Variants in DCHS2 observed in about 807,000 individuals in gnomAD.
The protein encoded by DCHS2 is dachsous cadherin-related 2, also known as protocadherin-23.
DCHS2 carries 142 observed loss-of-function variants against 182.4 expected under a neutral mutation model. The ratio of observed to expected loss-of-function variants is 0.78; its 90% CI spans 0.68 to 0.89. The LOEUF (loss-of-function observed/expected upper bound fraction) is 0.89. Among genes scored for constraint, DCHS2 ranks in the 40% least tolerant of loss-of-function variants. The probability of loss-of-function intolerance (pLI) is 0.00; values close to 1 mark genes in which losing one functional copy is unlikely to be tolerated. For missense variants in DCHS2, 4,319 were observed against 4,198.6 expected, an observed-to-expected ratio of 1.03 and a Z score of -0.79; for synonymous variants, 1,740 against 1,663.3, an observed-to-expected ratio of 1.05 and a Z score of -1.12.
chr4:154,328,563 AT>A (rs1048745079), intron 6 of DCHS2, among the ~76,000 whole-genome samples: 1 of 152,194 alleles, frequency 6.6e-6, no homozygotes, highest in Non-Finnish European at 1.5e-5. Flanking sequence ...GGCTTAAAAT[AT>A]GCTTAAAATA....
Position 154,332,716 on chromosome 4 carries a change from G to A in DCHS2, c.3492C>T (p.Ile1164=), listed in dbSNP as rs1479179489. ...QTYNFRVFAW[I]PEDGFLQNVS... ...CATTTTGCAAGAATCCGTCCTCGGG[G>A]ATCCAAGCAAACACTCTAAAATTAT... is the stretch of plus-strand genomic sequence containing the variant. The change falls in exon 5 of 20, where the codon ATC becomes ATT. Residue 1164 remains isoleucine (I), a synonymous_variant. Coordinates refer to ENST00000357232, the MANE Select transcript of DCHS2 (RefSeq NM_001358235.2). 6.2e-7 allele frequency: 1 copy of A among 1,614,244 alleles called. No homozygotes were observed. Among genetic ancestry groups the A allele is most frequent in the South Asian group, 1.1e-5 (1 of 91,088 alleles).
chr4:154,250,820 A>G (rs1051336111), intron 16 of DCHS2, among the ~76,000 whole-genome samples: 1 of 152,214 alleles, frequency 6.6e-6, no homozygotes, highest in Non-Finnish European at 1.5e-5. Flanking sequence ...TAAAGATACA[A>G]ACATTCGTTC....
intron 3 of DCHS2, among the ~76,000 whole-genome samples, chr4:154,359,794 A>G: frequency 6.6e-6 from 1 of 152,072 alleles, no homozygotes; most frequent in Non-Finnish European, 1.5e-5. Context: ...TAAGAAAAAA[A>G]TGTACCTGTT....
At chr4:154,396,372 G>A (rs1731929970) in intron 1 of DCHS2, among the ~76,000 whole-genome samples, 1 of 152,102 alleles carries the variant, frequency 6.6e-6, no homozygotes, top group Non-Finnish European at 1.5e-5. Context: ...AGAAAAGAGA[G>A]GCCTTCAGTT....
chr4:154,235,539 G>T lies in DCHS2; in HGVS notation c.9113C>A (p.Ala3038Glu). 6.2e-7 allele frequency: 1 copy of T among 1,614,056 alleles called. No homozygotes were observed. Among genetic ancestry groups the T allele is most frequent in the Non-Finnish European group, 8.5e-7 (1 of 1,179,970 alleles). Residue 3038 changes from alanine to glutamate, a missense_variant, in exon 20 of 20, where the codon GCG becomes GAG. Coordinates refer to ENST00000357232, the MANE Select transcript of DCHS2 (RefSeq NM_001358235.2). ...GGCATCCCGGGTCACTCTCAAGTCC[G>T]CATCTAAAGATGAGGTTTTCTTCTC... ...YEEKKTSSLDADLRVTRDASV... is the reference protein window; with the variant it reads ...YEEKKTSSLDEDLRVTRDASV...
chr4:154,415,623 C>T (rs1210903027), intron 1 of DCHS2, among the ~76,000 whole-genome samples: 1 of 152,188 alleles, frequency 6.6e-6, no homozygotes, highest in Non-Finnish European at 1.5e-5. Flanking sequence ...GCTAAAGAAT[C>T]TCAAGTAAGC....
Position 154,320,417 on chromosome 4 carries a change from C to T in DCHS2, c.4982G>A (p.Gly1661Glu), listed in dbSNP as rs754973042. 6.6e-5 allele frequency: 106 copies of T among 1,613,904 alleles called. No homozygotes were observed. Among genetic ancestry groups the T allele is most frequent in the Non-Finnish European group, 9.0e-5 (106 of 1,179,968 alleles). Residue 1661 changes from glycine to glutamate, a missense_variant, in exon 9 of 20, where the codon GGA (glycine) becomes GAA (glutamate). Gly to Glu is a moderately conservative substitution (Grantham distance 98, BLOSUM62 -2). Transcript: ENST00000357232. ...TAGCATAAACGTCATGTTTTCATTT[C>T]CTGAGAGGATGCTGTATGTTACTTT... ...NGKVTYSILS[G>E]NENMTFMLDE...
chr4:154,352,675 A>G (rs1165689869), intron 3 of DCHS2, among the ~76,000 whole-genome samples: 1 of 152,244 alleles, frequency 6.6e-6, no homozygotes, highest in Non-Finnish European at 1.5e-5. Context: ...CAAGTGCTCC[A>G]TAAAATATAA....
chr4:154,239,112 C>T, intron 19 of DCHS2, 58 bp downstream of exon 19: 1 of 1,564,556 alleles, frequency 6.4e-7, no homozygotes, highest in Non-Finnish European at 8.6e-7. Flanking sequence ...AGGGTTATTT[C>T]AGGTTTCTAC....
At chr4:154,391,405 C>A in intron 1 of DCHS2, 1 of 1,406,652 alleles carries the variant, frequency 7.1e-7, no homozygotes, top group Non-Finnish European at 9.4e-7. Context: ...TGACTTTCCA[C>A]TTGCAGCATA....
At chr4:154,396,590 T>A (rs977084299) in intron 1 of DCHS2, among the ~76,000 whole-genome samples, 1 of 152,178 alleles carries the variant, frequency 6.6e-6, no homozygotes, top group African/African-American at 2.4e-5. Flanking sequence ...GTGCTCAAAG[T>A]TTCAACGGTG....
intron 3 of DCHS2, among the ~76,000 whole-genome samples, chr4:154,342,284 G>A (rs980279210): frequency 6.6e-6 from 1 of 152,108 alleles, no homozygotes; most frequent in Non-Finnish European, 1.5e-5. Context: ...GGAGGGGCTT[G>A]CCTCAATGTA....
intron 10 of DCHS2, among the ~76,000 whole-genome samples, chr4:154,312,999 C>G (rs1735724193): frequency 6.6e-6 from 1 of 152,126 alleles, no homozygotes; most frequent in East Asian, 1.9e-4. Context: ...AGTGCAGCAC[C>G]AGGGATTCCA....
chr4:154,391,341 C>G, intron 1 of DCHS2: 3 of 1,550,698 alleles, frequency 1.9e-6, no homozygotes, highest in Non-Finnish European at 2.6e-6. Flanking sequence ...AACTTCATGT[C>G]TCTGGCATGA....
At chr4:154,356,026 G>A (rs1729843672) in intron 3 of DCHS2, among the ~76,000 whole-genome samples, 1 of 152,004 alleles carries the variant, frequency 6.6e-6, no homozygotes, top group Non-Finnish European at 1.5e-5. Flanking sequence ...AACAGCCACA[G>A]ACAGGTCCTT....
At chr4:154,239,010 C>T (rs776641993) in intron 19 of DCHS2, among the ~76,000 whole-genome samples, 160 bp downstream of exon 19, 8 of 151,882 alleles carry the variant, frequency 5.3e-5, no homozygotes, top group Non-Finnish European at 5.9e-5. Flanking sequence ...CATTTGCTAT[C>T]GCAGCACTTC....
At chr4:154,250,133 G>A (rs1283346988) in intron 16 of DCHS2, among the ~76,000 whole-genome samples, 1 of 152,158 alleles carries the variant, frequency 6.6e-6, no homozygotes, top group African/African-American at 2.4e-5. Flanking sequence ...GGGGGAGTGG[G>A]AGGGATGCAG....
intron 16 of DCHS2, among the ~76,000 whole-genome samples, chr4:154,245,997 A>G (rs1427411720): frequency 6.6e-6 from 1 of 152,128 alleles, no homozygotes; most frequent in Non-Finnish European, 1.5e-5. Context: ...GCAGGGATAT[A>G]CAGGAAATCT....
chr4:154,381,461 T>C (rs780265636), intron 1 of DCHS2, among the ~76,000 whole-genome samples: 1 of 151,944 alleles, frequency 6.6e-6, no homozygotes, highest in Non-Finnish European at 1.5e-5. Flanking sequence ...CAGAAAGAAA[T>C]AAAAAGCATC....
Sources: gnomAD v4.1 joint callset for allele counts (sites outside exome capture counted in the v4.1 genomes callset) on GRCh38, gnomAD v4.1.1 for gene constraint, MANE v1.5 for transcripts, NCBI Gene and HGNC (gene_info 2026-07-23, HGNC 2026-07-21) for gene names.